WDPCP: variants seen among roughly 807,000 people sequenced by gnomAD.
WDPCP encodes WD repeat-containing and planar cell polarity effector protein fritz homolog.
A neutral mutation model predicts 93.1 loss-of-function variants in WDPCP; 71 were observed. The observed-to-expected ratio is 0.76, with a 90% confidence interval of 0.63 to 0.93. The LOEUF (loss-of-function observed/expected upper bound fraction) is 0.93. WDPCP is among the 40% of genes least tolerant of loss of function. WDPCP has a pLI of 0.00. For synonymous variants in WDPCP, 315 were observed against 315.0 expected, an observed-to-expected ratio of 1.00 and a Z score of 0.00; for missense variants, 844 against 887.4, an observed-to-expected ratio of 0.95 and a Z score of 0.62.
chr2:63,790,305 A>C (rs530017718), intron 2 of WDPCP, among the ~76,000 whole-genome samples: 2 of 152,228 alleles, frequency 1.3e-5, no homozygotes, highest in African/African-American at 4.8e-5. Context: ...AGTTGATGCT[A>C]TGGATTCTGA....
chr2:63,141,847 C>G (rs544754680), intron 17 of WDPCP, among the ~76,000 whole-genome samples: 1 of 152,106 alleles, frequency 6.6e-6, no homozygotes, highest in South Asian at 2.1e-4. Flanking sequence ...CTAATTTTTC[C>G]TGATTTAAGC....
chr2:63,178,409 G>GTAAT (rs1271068485), intron 14 of WDPCP, among the ~76,000 whole-genome samples: 1 of 152,176 alleles, frequency 6.6e-6, no homozygotes, highest in Non-Finnish European at 1.5e-5. Context: ...TCCAGATTAT[G>GTAAT]TAATTCTTCA....
chr2:63,807,318 G>A (rs1670782307), intron 2 of WDPCP, among the ~76,000 whole-genome samples: 1 of 152,192 alleles, frequency 6.6e-6, no homozygotes, highest in African/African-American at 2.4e-5. Flanking sequence ...TTGAGATAAT[G>A]AGTGAGTTCC....
Position 63,448,745 on chromosome 2 carries a change from G to C in WDPCP, c.385-8874C>G, listed in dbSNP as rs149294433. Among the ~76,000 whole-genome samples the C allele has an allele frequency of 2.0e-3, 297 of 152,150 alleles. 9 individuals are homozygous for C. The East Asian group carries it at 0.044, about 23-fold the overall frequency. ...TGAACCTGTGGGACATTATGCTAAGGGAAATAAGCTAGGCACAGAAAGACA... is the reference window on the plus strand; with the variant it reads ...TGAACCTGTGGGACATTATGCTAAGCGAAATAAGCTAGGCACAGAAAGACA... On this transcript the variant is annotated intron_variant, in intron 6 of 17. Coordinates refer to ENST00000272321, the MANE Select transcript of WDPCP (RefSeq NM_015910.7).
chr2:63,768,945 G>T (rs1427786039), intron 2 of WDPCP, among the ~76,000 whole-genome samples: 1 of 151,932 alleles, frequency 6.6e-6, no homozygotes, highest in Non-Finnish European at 1.5e-5. Flanking sequence ...AGATTAGTGG[G>T]ATTCATTCAC....
intron 1 of WDPCP, among the ~76,000 whole-genome samples, chr2:63,571,187 A>G (rs1164333197): frequency 6.6e-6 from 1 of 152,116 alleles, no homozygotes; most frequent in African/African-American, 2.4e-5. Context: ...CTGGGATTAC[A>G]GGCATAAGCC....
chr2:63,462,004 A>G (rs1699042036), intron 6 of WDPCP, among the ~76,000 whole-genome samples: 1 of 152,258 alleles, frequency 6.6e-6, no homozygotes, highest in African/African-American at 2.4e-5. Context: ...TACTGGGTGT[A>G]TATCCAAAGG....
At chr2:63,250,359 G>C (rs755050008) in intron 14 of WDPCP, among the ~76,000 whole-genome samples, 1 of 152,076 alleles carries the variant, frequency 6.6e-6, no homozygotes, top group Non-Finnish European at 1.5e-5. Context: ...TAAAAATTAT[G>C]AATTATTTAT....
chr2:63,324,864 T>C, intron 12 of WDPCP, among the ~76,000 whole-genome samples: 1 of 152,208 alleles, frequency 6.6e-6, no homozygotes, highest in East Asian at 1.9e-4. Context: ...CATGAATTAT[T>C]CAATGATGTC....
intron 13 of WDPCP, among the ~76,000 whole-genome samples, chr2:63,260,918 A>G (rs1474954817): frequency 1.3e-5 from 2 of 152,228 alleles, no homozygotes; most frequent in African/African-American, 4.8e-5. Flanking sequence ...TGCTTTTGAT[A>G]CAGTCCTCAA....
chr2:63,605,369 G>A (rs1346659320), intron 3 of WDPCP: 4 of 1,614,046 alleles, frequency 2.5e-6, no homozygotes, highest in Non-Finnish European at 3.4e-6. Context: ...ACCACGTCAG[G>A]GACATCTGGT....
intron 6 of WDPCP, among the ~76,000 whole-genome samples, chr2:63,482,306 C>G (rs1367360256): frequency 6.6e-6 from 1 of 151,886 alleles, no homozygotes; most frequent in African/African-American, 2.4e-5. Context: ...AAAGACTGAG[C>G]GTCCAAACAT....
At chr2:63,769,873 T>A (rs1276957651) in intron 2 of WDPCP, among the ~76,000 whole-genome samples, 1 of 151,958 alleles carries the variant, frequency 6.6e-6, no homozygotes, top group Non-Finnish European at 1.5e-5. Context: ...TTAGTTTTTC[T>A]TTAAGTTTCT....
At chr2:63,134,323 C>G (rs539425728) in intron 17 of WDPCP, among the ~76,000 whole-genome samples, 8 of 152,126 alleles carry the variant, frequency 5.3e-5, no homozygotes, top group Non-Finnish European at 1.2e-4. Flanking sequence ...TATGATTTAA[C>G]TCATATCCTT....
Position 63,451,060 on chromosome 2 carries a change from GT to G in WDPCP, c.385-11190del, listed in dbSNP as rs551576093. Among the ~76,000 whole-genome samples, 34 of 152,040 alleles carry G rather than the reference GT, an allele frequency of 2.2e-4. No individual in the cohort carries two copies. In the South Asian group the frequency reaches 6.4e-3, roughly 29 times the overall value. On this transcript the variant is annotated intron_variant, in intron 6 of 17. Transcript: ENST00000272321. ...AAAAGTATGATACTAAAGAAGCTCA[GT>G]AAGATACAAGAGAATCCTGAAAAAT...
intron 6 of WDPCP, among the ~76,000 whole-genome samples, chr2:63,454,376 A>G (rs1698484883): frequency 6.6e-6 from 1 of 151,892 alleles, no homozygotes; most frequent in South Asian, 2.1e-4. Flanking sequence ...TGAGGGAGGG[A>G]TAGCATTGGG....
chr2:63,238,052 A>C (rs888385160), intron 14 of WDPCP, among the ~76,000 whole-genome samples: 1 of 152,082 alleles, frequency 6.6e-6, no homozygotes, highest in African/African-American at 2.4e-5. Context: ...TTAATTGTTA[A>C]ATAAGATGAC....
chr2:63,378,900 T>C (rs1415819116), intron 11 of WDPCP, among the ~76,000 whole-genome samples: 3 of 152,138 alleles, frequency 2.0e-5, no homozygotes, highest in African/African-American at 7.2e-5. Flanking sequence ...CCTTTCTTCA[T>C]TGGGAACTGA....
At position 63,808,993 on chromosome 2, in the gene WDPCP, C is replaced by T. The variant is rs1183610068; in HGVS notation, n.308+4629G>A. Among the ~76,000 whole-genome samples, 13 of 151,852 alleles carry T rather than the reference C, an allele frequency of 8.6e-5. No homozygotes were observed. In the East Asian group the frequency reaches 1.2e-3, roughly 14 times the overall value. On this transcript the variant is annotated intron_variant and non_coding_transcript_variant, in intron 2 of 4. Transcript: ENST00000467687. ...GATGTGGGGAGCGCCTCTGCCCTGC[C>T]GCCCCGTCTGGGATGTGAGGAGCAC...
Sources: allele counts gnomAD v4.1 joint callset (sites outside exome capture counted in the v4.1 genomes callset), GRCh38; gene constraint gnomAD v4.1.1; transcripts MANE v1.5; gene names NCBI Gene and HGNC (gene_info 2026-07-23, HGNC 2026-07-21).